Variants in AGAP1 observed in about 807,000 individuals in gnomAD.
AGAP1 encodes ArfGAP with GTPase domain, ankyrin repeat and PH domain 1, also known as arf-GAP with GTPase, ANK repeat and PH domain-containing protein 1.
AGAP1 carries 29 observed loss-of-function variants against 105.3 expected under a neutral mutation model. The observed-to-expected ratio is 0.28, with a 90% CI of 0.21 to 0.38. The LOEUF (loss-of-function observed/expected upper bound fraction) is 0.38, where lower values mean the gene tolerates loss of function less well. Among genes scored for constraint, AGAP1 ranks in the 10% least tolerant of loss-of-function variants. The pLI, the probability that AGAP1 is intolerant of heterozygous loss-of-function variation, is 1.00. For missense variants in AGAP1, 998 were observed against 1,165.1 expected (o/e 0.86, Z 2.09); for synonymous variants, 509 against 485.9 (o/e 1.05, Z -0.63).
Position 235,757,689 on chromosome 2 carries a change from A to G in AGAP1, c.673+7201A>G, listed in dbSNP as rs372665294. 1.1e-3 allele frequency among the ~76,000 whole-genome samples: 167 copies of G among 152,232 alleles called. 3 individuals carry two copies. The highest frequency in any genetic ancestry group is 6.8e-3 in the Middle Eastern group (2 of 294). On this transcript the variant is annotated intron_variant, in intron 6 of 17. Coordinates refer to ENST00000304032, the MANE Select transcript of AGAP1 (RefSeq NM_001037131.3). ...GAGAGCCCGAGCTGGGAGAGGTTGCATGATTTTTACCAAGGTTGTGCGGGA... is the reference window on the plus strand; with the variant it reads ...GAGAGCCCGAGCTGGGAGAGGTTGCGTGATTTTTACCAAGGTTGTGCGGGA...
chr2:236,099,551 A>C (rs957916086), intron 16 of AGAP1, among the ~76,000 whole-genome samples: 10 of 152,224 alleles, frequency 6.6e-5, no homozygotes, highest in Non-Finnish European at 1.3e-4. Flanking sequence ...TTTCAAAAAA[A>C]GGACATTTTA....
At chr2:235,499,147 C>G (rs1039174586) in intron 1 of AGAP1, among the ~76,000 whole-genome samples, 8 of 152,194 alleles carry the variant, frequency 5.3e-5, no homozygotes, top group African/African-American at 1.9e-4. Flanking sequence ...CCCGTCCGAC[C>G]TCACCTCTGG....
chr2:236,060,898 C>A (rs1026420632), intron 16 of AGAP1, among the ~76,000 whole-genome samples: 4 of 151,716 alleles, frequency 2.6e-5, no homozygotes, highest in African/African-American at 9.7e-5. Context: ...CCCACCTCTA[C>A]AAAAACTTTT....
rs570563127 is a variant in AGAP1, at chr2:235,901,598, G to A, written c.1156-7140G>A. On this transcript the variant is annotated intron_variant, in intron 10 of 17. Coordinates refer to ENST00000304032, the MANE Select transcript of AGAP1 (RefSeq NM_001037131.3). This position sits in a 1 kb window ranked among gnomAD's most constrained non-coding sequence, Gnocchi z 4.3. Reference sequence around the variant, plus strand: ...ACCCCTTTATCTTTTTAAAAATTATGGGCCAGGTGTGGTGGCTCACACCTG... The same window carrying A: ...ACCCCTTTATCTTTTTAAAAATTATAGGCCAGGTGTGGTGGCTCACACCTG... Among the ~76,000 whole-genome samples the A allele has an allele frequency of 2.0e-4, 31 of 152,186 alleles. No homozygotes were observed. Among genetic ancestry groups the A allele is most frequent in the African/African-American group, 7.2e-4 (30 of 41,538 alleles).
rs200107455 is a variant in AGAP1, at chr2:235,762,110, CAAA to C, written c.673+11640_673+11642del. ...GGGGGATAAGAGGAAAACTCCGTCT[CAAA>C]AAAAAAAAAAAAAAAAATTGCAGAG... On this transcript the variant is annotated intron_variant, in intron 6 of 17. Transcript: ENST00000304032. Among the ~76,000 whole-genome samples the C allele has an allele frequency of 5.8e-3, 585 of 100,990 alleles. 3 individuals carry two copies. The highest frequency in any genetic ancestry group is 0.021 in the African/African-American group (548 of 25,694). The allele number at this position is 100,990 out of a possible 152,430, so 66.3% of individuals were successfully genotyped here.
Position 236,113,152 on chromosome 2 carries a change from T to C in AGAP1, c.2115-7040T>C, listed in dbSNP as rs2059691794. On this transcript the variant is annotated intron_variant, in intron 16 of 17. Coordinates refer to ENST00000304032, the MANE Select transcript of AGAP1 (RefSeq NM_001037131.3). The surrounding 1 kb of genome is among the most constrained non-coding windows in gnomAD (Gnocchi z 4.3). ...CATTAGATATGGAGTTTGTTTTGTT[T>C]GTTTTTGAGACGGAGTCTCGCTCTT... is the stretch of plus-strand genomic sequence containing the variant. Among the ~76,000 whole-genome samples, 1 of 152,248 alleles carries C rather than the reference T, an allele frequency of 6.6e-6. No individual in the cohort carries two copies. The highest frequency in any genetic ancestry group is 6.5e-5 in the Admixed American group (1 of 15,292).
Position 235,618,784 on chromosome 2 carries a change from G to A in AGAP1, c.164-90395G>A, listed in dbSNP as rs540636571. On this transcript the variant is annotated intron_variant, in intron 1 of 17. Coordinates refer to ENST00000304032, the MANE Select transcript of AGAP1 (RefSeq NM_001037131.3). ...ACCTGGGTGGGTAGATGTGGTAGAC[G>A]TAATAACGGCCCCCAAAGATGTCCC... Among the ~76,000 whole-genome samples, 7 of 152,268 alleles carry A rather than the reference G, an allele frequency of 4.6e-5. No individual in the cohort carries two copies. The East Asian group carries it at 7.7e-4, about 17-fold the overall frequency.
At chr2:235,848,824 G>A (rs908554924) in intron 9 of AGAP1, among the ~76,000 whole-genome samples, 2 of 152,122 alleles carry the variant, frequency 1.3e-5, no homozygotes, top group African/African-American at 4.8e-5. Context: ...TCTCATTTGG[G>A]CTCTGAATGC....
intron 13 of AGAP1, among the ~76,000 whole-genome samples, chr2:236,030,641 G>A (rs2057194924): frequency 6.6e-6 from 1 of 152,212 alleles, no homozygotes; most frequent in African/African-American, 2.4e-5. Context: ...TCGTGTATTT[G>A]ATTTGGGGAA....
chr2:235,501,457 A>G (rs1033044520), intron 1 of AGAP1, among the ~76,000 whole-genome samples: 18 of 152,200 alleles, frequency 1.2e-4, no homozygotes, highest in Admixed American at 1.2e-3. Context: ...TCTGTAAAAG[A>G]CAGGAGCTAG....
chr2:236,075,821 G>C (rs1354017816), intron 16 of AGAP1, among the ~76,000 whole-genome samples: 2 of 152,186 alleles, frequency 1.3e-5, no homozygotes, highest in African/African-American at 4.8e-5. Context: ...ATTGATTCTA[G>C]CTTTGGAATC....
rs149470167 is a variant in AGAP1, at chr2:235,965,321, G to A, written c.1484-3141G>A. Among the ~76,000 whole-genome samples, 1 of 152,326 alleles carries A rather than the reference G, an allele frequency of 6.6e-6. No individual in the cohort carries two copies. Among genetic ancestry groups the A allele is most frequent in the Admixed American group, 6.5e-5 (1 of 15,304 alleles). ...AGAATGCCCCTGTGGACGTAGGGAG[G>A]AGAGGCAGGAAAACATGGCATCTTG... On this transcript the variant is annotated intron_variant, in intron 12 of 17. Coordinates refer to ENST00000304032, the MANE Select transcript of AGAP1 (RefSeq NM_001037131.3). The surrounding 1 kb of genome is among the most constrained non-coding windows in gnomAD (Gnocchi z 5.8).
rs1185224627 is a variant in AGAP1, at chr2:236,130,439, T to A, written c.*6317T>A. ...CAAGGCATGAGTGTGTTGGGGAATC[T>A]TCCCAGTGGAGCAAACCCCCTTAAC... is the stretch of plus-strand genomic sequence containing the variant. On this transcript the variant is annotated 3_prime_UTR_variant, in exon 18 of 18. Transcript: ENST00000304032. The surrounding 1 kb of genome is among the most constrained non-coding windows in gnomAD (Gnocchi z 5.8). The A allele has an allele frequency of 6.6e-6, 1 of 152,166 alleles. No homozygotes were observed. The highest frequency in any genetic ancestry group is 2.4e-5 in the African/African-American group (1 of 41,432). 9.4% of individuals were successfully genotyped at this position (152,166 alleles called of 1,614,324 possible).
rs113105147 is a variant in AGAP1 at position 236,096,974 on chromosome 2, GA to G, written c.2115-23212del. On this transcript the variant is annotated intron_variant, in intron 16 of 17. Transcript: ENST00000304032. The surrounding 1 kb of genome is among the most constrained non-coding windows in gnomAD (Gnocchi z 4.4). ...TTTACCAAATGCATTGAGCTGAATGGAAAAAACAAACTTTATTGGTAATATC... is the reference window on the plus strand; with the variant it reads ...TTTACCAAATGCATTGAGCTGAATGGAAAAACAAACTTTATTGGTAATATC... Among the ~76,000 whole-genome samples, 2 of 152,056 alleles carry G rather than the reference GA, an allele frequency of 1.3e-5. No individual in the cohort carries two copies. The highest frequency in any genetic ancestry group is 4.8e-5 in the African/African-American group (2 of 41,416).
In AGAP1 at chr2:235,748,263, G is replaced by A. The variant is rs562350910; in HGVS notation, c.539-2091G>A. Among the ~76,000 whole-genome samples, 414 of 152,316 alleles carry A rather than the reference G, an allele frequency of 2.7e-3. 2 individuals carry two copies. The South Asian group carries it at 0.03, about 11-fold the overall frequency. Reference sequence around the variant, plus strand: ...TTGACAGAAACCAAGCGAGCATGCCGCTGAGGACGGAGGGGCTGCGGGATT... The same window carrying A: ...TTGACAGAAACCAAGCGAGCATGCCACTGAGGACGGAGGGGCTGCGGGATT... On this transcript the variant is annotated intron_variant, in intron 5 of 17. Transcript: ENST00000304032.
intron 4 of AGAP1, among the ~76,000 whole-genome samples, chr2:235,743,775 G>T (rs1306537835): frequency 1.3e-5 from 2 of 152,208 alleles, no homozygotes; most frequent in Non-Finnish European, 2.9e-5. Context: ...AAGCAGACGG[G>T]ATGGATTTCG....
intron 1 of AGAP1, chr2:235,670,223 G>GCCGCGCCGGGCTCCGGCGGCCCGGAC (rs1948310248): frequency 3.5e-6 from 2 of 569,748 alleles, no homozygotes; most frequent in Non-Finnish European, 6.4e-6. Flanking sequence ...GGAGCAGCTG[G>GCCGCGCCGGGCTCCGGCGGCCCGGAC]CCGCGCCGGG....
At chr2:235,594,189 A>T (rs954163355) in intron 1 of AGAP1, among the ~76,000 whole-genome samples, 7 of 152,164 alleles carry the variant, frequency 4.6e-5, no homozygotes, top group African/African-American at 1.7e-4. Context: ...TCAGCTTCTT[A>T]CTCTAGAGAC....
At chr2:235,695,501 G>A (rs977198400) in intron 1 of AGAP1, among the ~76,000 whole-genome samples, 4 of 152,190 alleles carry the variant, frequency 2.6e-5, no homozygotes, top group African/African-American at 7.2e-5. Flanking sequence ...AACAGACAGC[G>A]GCTCAGGTTA....
Sources: gnomAD v4.1 joint callset for allele counts (sites outside exome capture counted in the v4.1 genomes callset) on GRCh38, gnomAD v4.1.1 for gene constraint, Gnocchi (gnomAD v3.1) non-coding constraint, MANE v1.5 for transcripts, NCBI Gene and HGNC (gene_info 2026-07-23, HGNC 2026-07-21) for gene names.